The following ACAP2 variants were observed in gnomAD, a reference collection of about 807,000 sequenced individuals.
ACAP2 encodes the protein ArfGAP with coiled-coil, ankyrin repeat and PH domains 2.
A neutral mutation model predicts 115.8 loss-of-function variants in ACAP2; 39 were observed. That is an observed-to-expected ratio of 0.34 (90% CI 0.26 to 0.44). The LOEUF is 0.44. ACAP2 is among the 20% of genes least tolerant of loss of function. The probability of loss-of-function intolerance (pLI) is 1.00; values close to 1 mark genes in which losing one functional copy is unlikely to be tolerated. For synonymous variants in ACAP2, 289 were observed against 315.8 expected, an observed-to-expected ratio of 0.92 and a Z score of 0.90; for missense variants, 662 against 927.6, an observed-to-expected ratio of 0.71 and a Z score of 3.72.
At chr3:195,337,298 C>A (rs1730567471) in intron 6 of ACAP2, among the ~76,000 whole-genome samples, 1 of 152,190 alleles carries the variant, frequency 6.6e-6, no homozygotes, top group South Asian at 2.1e-4. Context: ...ATCAAAGTTT[C>A]ACATACAACC....
At position 195,306,025 on chromosome 3, in the gene ACAP2, A is replaced by G. The variant is rs1034888881; in HGVS notation, c.1116+486T>C. Among the ~76,000 whole-genome samples the G allele has an allele frequency of 2.0e-5, 3 of 152,008 alleles. 1 individual carries two copies. The highest frequency in any genetic ancestry group is 4.4e-5 in the Non-Finnish European group (3 of 68,004). On this transcript the variant is annotated intron_variant, in intron 13 of 22. Coordinates refer to ENST00000326793, the MANE Select transcript of ACAP2 (RefSeq NM_012287.6). ...GAGTTCCATTTCTCAGGACCCATTT[A>G]CTCACTCACTGCGTTGCCCAAAAGA...
intron 10 of ACAP2, among the ~76,000 whole-genome samples, chr3:195,319,009 G>A (rs185387507): frequency 2.6e-5 from 4 of 152,304 alleles, no homozygotes; most frequent in Admixed American, 6.5e-5. Context: ...GTGCAGCCTT[G>A]GGACTTGGTG....
At chr3:195,414,791 C>CA (rs1250052115) in intron 1 of ACAP2, among the ~76,000 whole-genome samples, 6 of 151,996 alleles carry the variant, frequency 3.9e-5, no homozygotes, top group Non-Finnish European at 5.9e-5. Context: ...ATTCCAGAAT[C>CA]AAAAAAATCT....
In ACAP2 at chr3:195,382,114, T is replaced by C; in HGVS notation, c.112-92A>G. On this transcript the variant is annotated intron_variant, in intron 2 of 22. Transcript: ENST00000326793. ...TTGGCAGTAACTATATGAGGTGACC[T>C]AGTTAAGTTCAATTTGTTTCATCGA... 3.4e-6 allele frequency: 4 copies of C among 1,192,616 alleles called. 1 individual carries two copies. The South Asian group carries it at 4.4e-5, about 13-fold the overall frequency. The allele number at this position is 1,192,616 out of a possible 1,614,324, so 73.9% of individuals were successfully genotyped here.
chr3:195,350,801 GAATTTAATAATA>G (rs1227303997), intron 4 of ACAP2, among the ~76,000 whole-genome samples: 6 of 151,850 alleles, frequency 4.0e-5, no homozygotes, highest in Admixed American at 3.9e-4. Flanking sequence ...CACATGCAAA[GAATTTAATAATA>G]ATAGAGAGGA....
At chr3:195,427,434 CACTGTTAGATG>C (rs1319713140) in intron 1 of ACAP2, among the ~76,000 whole-genome samples, 1 of 151,942 alleles carries the variant, frequency 6.6e-6, no homozygotes, top group Non-Finnish European at 1.5e-5. Context: ...CTCGGAGGTG[CACTGTTAGATG>C]ACTTCTTCAC....
chr3:195,274,857 T>G lies in ACAP2; in HGVS notation c.*4471A>C, dbSNP rs1288575223. 6.6e-6 allele frequency: 1 copy of G among 152,646 alleles called. No homozygotes were observed. The highest frequency in any genetic ancestry group is 1.5e-5 in the Non-Finnish European group (1 of 68,030). 9.5% of individuals were successfully genotyped at this position (152,646 alleles called of 1,614,324 possible). On this transcript the variant is annotated 3_prime_UTR_variant, in exon 23 of 23. Transcript: ENST00000326793. Reference sequence around the variant, plus strand: ...CATTTTAGAAGATAATGTACTTTGCTCCATTTACAATGACAAACTACTGTA... The same window carrying G: ...CATTTTAGAAGATAATGTACTTTGCGCCATTTACAATGACAAACTACTGTA...
intron 7 of ACAP2, among the ~76,000 whole-genome samples, chr3:195,334,716 G>A (rs1047699907): frequency 6.6e-6 from 1 of 152,070 alleles, no homozygotes; most frequent in Non-Finnish European, 1.5e-5. Context: ...CTCAGTGTTG[G>A]TAAAATGTGG....
At chr3:195,433,880 T>G (rs1160246659) in intron 1 of ACAP2, among the ~76,000 whole-genome samples, 1 of 152,192 alleles carries the variant, frequency 6.6e-6, no homozygotes, top group Non-Finnish European at 1.5e-5. Flanking sequence ...GTATCTGCAT[T>G]CATAAGGAAT....
At chr3:195,285,923 T>A in intron 21 of ACAP2, 66 bp from the exon 22 acceptor site, 1 of 1,211,178 alleles carries the variant, frequency 8.3e-7, no homozygotes, top group Non-Finnish European at 1.2e-6. Context: ...ATAAAGTCTA[T>A]AAACAGGTAA....
intron 2 of ACAP2, among the ~76,000 whole-genome samples, chr3:195,386,647 G>A (rs948008542): frequency 5.3e-5 from 8 of 152,070 alleles, no homozygotes; most frequent in Non-Finnish European, 1.2e-4. Context: ...TGTCAGGTGC[G>A]GGGCAAGGGG....
At chr3:195,436,145 T>G (rs1422539340) in intron 1 of ACAP2, among the ~76,000 whole-genome samples, 1 of 148,386 alleles carries the variant, frequency 6.7e-6, no homozygotes, top group African/African-American at 2.5e-5. Flanking sequence ...TTTTTTTTTT[T>G]GGAGACAAAG....
rs533136762 is a variant in ACAP2 at position 195,408,300 on chromosome 3, A to G, written c.54-16153T>C. Among the ~76,000 whole-genome samples, 365 of 152,218 alleles carry G rather than the reference A, an allele frequency of 2.4e-3. 4 individuals are homozygous for G. The highest frequency in any genetic ancestry group is 7.8e-3 in the African/African-American group (322 of 41,514). On this transcript the variant is annotated intron_variant, in intron 1 of 22. Transcript: ENST00000326793. ...CAACACGGCGAAACCCTGTCTCTAC[A>G]GGAGGTACAAAAATTAGCCGGGCAT...
chr3:195,425,560 T>C (rs1220671510), intron 1 of ACAP2, among the ~76,000 whole-genome samples: 2 of 152,170 alleles, frequency 1.3e-5, no homozygotes, highest in Non-Finnish European at 2.9e-5. Flanking sequence ...GAATATAGGA[T>C]GGGATCACAT....
At chr3:195,387,599 G>A (rs141773292) in intron 2 of ACAP2, among the ~76,000 whole-genome samples, 4 of 152,202 alleles carry the variant, frequency 2.6e-5, no homozygotes, top group African/African-American at 4.8e-5. Context: ...ACACAACCAC[G>A]CCAGGGGCAC....
At chr3:195,415,343 A>G (rs1214564255) in intron 1 of ACAP2, among the ~76,000 whole-genome samples, 2 of 148,894 alleles carry the variant, frequency 1.3e-5, no homozygotes, top group Non-Finnish European at 3.0e-5. Flanking sequence ...GCAGTGCTGC[A>G]ATGGCTCACT....
At chr3:195,352,406 A>C (rs1256577416) in intron 4 of ACAP2, among the ~76,000 whole-genome samples, 3 of 152,210 alleles carry the variant, frequency 2.0e-5, no homozygotes, top group Non-Finnish European at 4.4e-5. Context: ...ATAAACAATA[A>C]ATAAAAGAAA....
chr3:195,436,131 ATATT>A (rs1560371586), intron 1 of ACAP2, among the ~76,000 whole-genome samples: 1 of 88,374 alleles, frequency 1.1e-5, no homozygotes, highest in African/African-American at 4.5e-5. Flanking sequence ...ATATATATAT[ATATT>A]TTTTTTTTTT....
intron 4 of ACAP2, among the ~76,000 whole-genome samples, chr3:195,356,641 T>C (rs1195320812): frequency 2.6e-5 from 4 of 151,964 alleles, no homozygotes; most frequent in Admixed American, 6.6e-5. Context: ...ATAAATACCA[T>C]CTCAGCCACA....
Sources: allele counts gnomAD v4.1 joint callset (sites outside exome capture counted in the v4.1 genomes callset), GRCh38; gene constraint gnomAD v4.1.1; transcripts MANE v1.5; gene names NCBI Gene and HGNC (gene_info 2026-07-23, HGNC 2026-07-21).